Variants in PTPN13 observed in about 807,000 individuals in gnomAD.
PTPN13 encodes tyrosine-protein phosphatase non-receptor type 13.
A neutral mutation model predicts 284.0 loss-of-function variants in PTPN13; 191 were observed. That is an observed-to-expected ratio of 0.67 (90% CI 0.60 to 0.76). The LOEUF is 0.76. Among genes scored for constraint, PTPN13 ranks in the 30% least tolerant of loss-of-function variants. PTPN13 has a pLI of 0.00. For missense variants in PTPN13, 2,797 were observed against 2,939.9 expected (o/e 0.95, Z 1.12); for synonymous variants, 986 against 1,022.3 (o/e 0.96, Z 0.68).
chr4:86,699,621 T>A (rs78672957), intron 6 of PTPN13, among the ~76,000 whole-genome samples: 2,470 of 152,330 alleles, frequency 0.016, 73 homozygotes, highest in African/African-American at 0.057. Flanking sequence ...TATGAATTTA[T>A]GGTGTTGCCA....
At chr4:86,640,644 G>A (rs1174424673) in intron 2 of PTPN13, among the ~76,000 whole-genome samples, 2 of 152,060 alleles carry the variant, frequency 1.3e-5, no homozygotes, top group Non-Finnish European at 2.9e-5. Flanking sequence ...TATACTAATG[G>A]CAGGATTACT....
At chr4:86,619,013 C>T (rs1461511662) in intron 1 of PTPN13, among the ~76,000 whole-genome samples, 1 of 152,112 alleles carries the variant, frequency 6.6e-6, no homozygotes, top group East Asian at 1.9e-4. Context: ...TGCCAGTTTT[C>T]AAAGGGAATG....
chr4:86,699,278 C>T (rs1393775072), intron 6 of PTPN13, among the ~76,000 whole-genome samples: 3 of 151,802 alleles, frequency 2.0e-5, no homozygotes, highest in Admixed American at 6.6e-5. Flanking sequence ...CCCAACTACT[C>T]GGGAGGCTGA....
At chr4:86,619,127 T>G (rs1720930655) in intron 1 of PTPN13, among the ~76,000 whole-genome samples, 1 of 152,154 alleles carries the variant, frequency 6.6e-6, no homozygotes, top group Admixed American at 6.5e-5. Context: ...CAGCTCCCAG[T>G]CAGCCACGCG....
At chr4:86,681,213 C>T (rs1728865041) in intron 3 of PTPN13, among the ~76,000 whole-genome samples, 1 of 152,126 alleles carries the variant, frequency 6.6e-6, no homozygotes, top group Non-Finnish European at 1.5e-5. Context: ...CTTGAGTTTC[C>T]TTAGCACAAA....
intron 1 of PTPN13, among the ~76,000 whole-genome samples, chr4:86,611,486 A>G (rs1015977545): frequency 6.6e-6 from 1 of 152,230 alleles, no homozygotes; most frequent in Non-Finnish European, 1.5e-5. Context: ...ACTTGTAGCT[A>G]AGATGGAATA....
chr4:86,670,530 C>T (rs1389153697), intron 2 of PTPN13, among the ~76,000 whole-genome samples: 1 of 151,974 alleles, frequency 6.6e-6, no homozygotes, highest in Non-Finnish European at 1.5e-5. Flanking sequence ...GTTGTCACTA[C>T]CTCTGAAATA....
At chr4:86,747,530 T>C (rs1326083356) in intron 17 of PTPN13, among the ~76,000 whole-genome samples, 4 of 150,280 alleles carry the variant, frequency 2.7e-5, no homozygotes, top group Non-Finnish European at 5.9e-5. Context: ...ATAGCGGTAA[T>C]AGTAGCAGCA....
intron 7 of PTPN13, among the ~76,000 whole-genome samples, chr4:86,704,700 C>T (rs981945997): frequency 6.6e-6 from 1 of 152,122 alleles, no homozygotes; most frequent in African/African-American, 2.4e-5. Context: ...AATCTGCTTT[C>T]AATTGTTCGA....
At position 86,635,244 on chromosome 4, in the gene PTPN13, T is replaced by C; in HGVS notation, c.-5-8T>C. 6.3e-7 allele frequency: 1 copy of C among 1,584,434 alleles called. No homozygotes were observed. The highest frequency in any genetic ancestry group is 8.6e-7 in the Non-Finnish European group (1 of 1,164,958). ...ATGCATAGACCATCTGTTACCTTTG[T>C]TTCCCAGGTAATATGCACGTGTCAC... On this transcript the variant is annotated splice_polypyrimidine_tract_variant and splice_region_variant and intron_variant, in intron 1 of 47. Coordinates refer to ENST00000411767, the MANE Select transcript of PTPN13 (RefSeq NM_080683.3).
chr4:86,668,594 C>CT (rs1727357986), intron 2 of PTPN13, among the ~76,000 whole-genome samples: 1 of 151,312 alleles, frequency 6.6e-6, no homozygotes, highest in African/African-American at 2.4e-5. Flanking sequence ...TTTTTGTTTT[C>CT]TTTCTTTTCT....
At position 86,745,136 on chromosome 4, in the gene PTPN13, G is replaced by A; in HGVS notation, c.2650+8G>A. On this transcript the variant is annotated splice_region_variant and intron_variant, in intron 17 of 47. Transcript: ENST00000411767. ...AAGATGCCCAAGATATTGGTAAGGA[G>A]AAGCAGACTATTTCAGATGACTCCT... 2 of 1,600,182 alleles carry A rather than the reference G, an allele frequency of 1.2e-6. No individual in the cohort carries two copies. The highest frequency in any genetic ancestry group is 1.7e-6 in the Non-Finnish European group (2 of 1,173,860).
chr4:86,763,246 A>C, intron 24 of PTPN13, 56 bp downstream of exon 24: 1 of 1,399,082 alleles, frequency 7.1e-7, no homozygotes, highest in Non-Finnish European at 9.9e-7. Flanking sequence ...AAATAGCAGC[A>C]AATAAGTTAC....
Position 86,722,306 on chromosome 4 carries a change from A to G in PTPN13, c.1480A>G (p.Met494Val), listed in dbSNP as rs1166385870. Residue 494 changes from methionine to valine, a missense_variant, in exon 10 of 48, where the codon ATG becomes GTG. Met to Val is a conservative substitution (Grantham distance 21). Transcript: ENST00000411767. ...EEELMQLQAKMALRQSRLSLY... is the reference protein window; with the variant it reads ...EEELMQLQAKVALRQSRLSLY... ...AGAACTGATGCAGCTACAAGCCAAA[A>G]TGGCCCTTAGACAGTCTCGGTTGAG... is the stretch of plus-strand genomic sequence containing the variant. 6.2e-7 allele frequency: 1 copy of G among 1,613,656 alleles called. No homozygotes were observed. Among genetic ancestry groups the G allele is most frequent in the African/African-American group, 1.3e-5 (1 of 74,890 alleles).
At chr4:86,632,648 TCTTCTTTCC>T (rs1317194250) in intron 1 of PTPN13, among the ~76,000 whole-genome samples, 1 of 151,764 alleles carries the variant, frequency 6.6e-6, no homozygotes, top group Non-Finnish European at 1.5e-5. Flanking sequence ...CTCTTTCTCC[TCTTCTTTCC>T]CTTCTCTCCT....
At chr4:86,608,124 ATAACTATTGTTTT>A (rs1288561865) in intron 1 of PTPN13, among the ~76,000 whole-genome samples, 1 of 152,108 alleles carries the variant, frequency 6.6e-6, no homozygotes, top group African/African-American at 2.4e-5. Flanking sequence ...AAGCATGATC[ATAACTATTGTTTT>A]TGTGTTGCCT....
At chr4:86,694,270 T>A (rs140976038) in intron 6 of PTPN13, among the ~76,000 whole-genome samples, 134 of 152,148 alleles carry the variant, frequency 8.8e-4, no homozygotes, top group African/African-American at 2.4e-3. Flanking sequence ...TTAAATTTAT[T>A]TTTTTGAAAG....
At position 86,809,838 on chromosome 4, in the gene PTPN13, C is replaced by T. The variant is rs1745037497; in HGVS notation, c.7153C>T (p.Pro2385Ser). The change falls in exon 46 of 48, where the codon CCA (proline) becomes TCA (serine). Residue 2385 changes from proline to serine, a missense_variant. Pro to Ser is a moderately conservative substitution (Grantham distance 74). Coordinates refer to ENST00000411767, the MANE Select transcript of PTPN13 (RefSeq NM_080683.3). ...AWPDHDTPSQ[P>S]DDLLTFISYM... ...GCCAGACCATGATACACCTTCTCAA[C>T]CAGATGATCTGCTTACTTTTATCTC... 6.2e-7 allele frequency: 1 copy of T among 1,614,052 alleles called. No homozygotes were observed. Among genetic ancestry groups the T allele is most frequent in the Non-Finnish European group, 8.5e-7 (1 of 1,179,894 alleles).
chr4:86,595,896 C>T (rs927310227), intron 1 of PTPN13: 11 of 433,220 alleles, frequency 2.5e-5, no homozygotes, highest in Admixed American at 6.4e-5. Context: ...AGGTATTTTC[C>T]TAAAGTCTTC....
Sources: gnomAD v4.1 joint callset for allele counts (sites outside exome capture counted in the v4.1 genomes callset) on GRCh38, gnomAD v4.1.1 for gene constraint, MANE v1.5 for transcripts, NCBI Gene and HGNC (gene_info 2026-07-23, HGNC 2026-07-21) for gene names.